The following CACNA2D1 variants were observed in gnomAD, a reference collection of about 807,000 sequenced individuals.
CACNA2D1 encodes the protein voltage-dependent calcium channel subunit alpha-2/delta-1.
A neutral mutation model predicts 171.5 loss-of-function variants in CACNA2D1; 53 were observed. The ratio of observed to expected loss-of-function variants is 0.31; its 90% CI spans 0.25 to 0.39. The LOEUF is 0.39. Among genes scored for constraint, CACNA2D1 ranks in the 10% least tolerant of loss-of-function variants. The probability of loss-of-function intolerance (pLI) is 1.00; values close to 1 mark genes in which losing one functional copy is unlikely to be tolerated. For synonymous variants in CACNA2D1, 442 were observed against 443.1 expected (o/e 1.00, Z 0.03); for missense variants, 903 against 1,299.8 (o/e 0.69, Z 4.69).
intron 1 of CACNA2D1, among the ~76,000 whole-genome samples, chr7:82,422,336 T>C (rs1224124125): frequency 6.6e-6 from 1 of 152,170 alleles, no homozygotes; most frequent in African/African-American, 2.4e-5. Flanking sequence ...ATAACCTCCA[T>C]GATGTTATTT....
intron 3 of CACNA2D1, among the ~76,000 whole-genome samples, chr7:82,237,384 A>G (rs1803723386): frequency 6.6e-6 from 1 of 151,920 alleles, no homozygotes; most frequent in South Asian, 2.1e-4. Context: ...TGTTATTGGC[A>G]AAACATACAG....
chr7:82,025,152 T>C (rs1392606325), intron 12 of CACNA2D1, among the ~76,000 whole-genome samples: 1 of 151,662 alleles, frequency 6.6e-6, no homozygotes, highest in Non-Finnish European at 1.5e-5. Flanking sequence ...TTATATGTAT[T>C]TTAGAATTTT....
At chr7:82,430,417 C>CAAAAAAAAAA (rs3054724) in intron 1 of CACNA2D1, among the ~76,000 whole-genome samples, 1 of 129,510 alleles carries the variant, frequency 7.7e-6, no homozygotes, top group South Asian at 2.6e-4. Flanking sequence ...GACTCCATCT[C>CAAAAAAAAAA]AAAAAAAAAA....
At chr7:82,166,861 G>C (rs1027683694) in intron 4 of CACNA2D1, among the ~76,000 whole-genome samples, 7 of 152,058 alleles carry the variant, frequency 4.6e-5, no homozygotes, top group Admixed American at 6.6e-5. Context: ...GTTGGGAATT[G>C]AATGGAGCTG....
At chr7:82,112,746 T>C (rs1392227994) in intron 6 of CACNA2D1, among the ~76,000 whole-genome samples, 1 of 152,214 alleles carries the variant, frequency 6.6e-6, no homozygotes, top group Non-Finnish European at 1.5e-5. Context: ...GTGGACCTTG[T>C]TGGAACAGAT....
At chr7:81,961,422 A>AGAAGTAAAAACAAAAC (rs1301383239) in intron 36 of CACNA2D1, among the ~76,000 whole-genome samples, 1 of 152,014 alleles carries the variant, frequency 6.6e-6, no homozygotes, top group African/African-American at 2.4e-5. Context: ...AGAGAAGACT[A>AGAAGTAAAAACAAAAC]GAAGTAAAAA....
chr7:82,097,889 A>C, intron 6 of CACNA2D1, among the ~76,000 whole-genome samples: 1 of 131,206 alleles, frequency 7.6e-6, no homozygotes, highest in East Asian at 2.3e-4. Context: ...CGAGGCAGGC[A>C]GATCACTTGA....
intron 4 of CACNA2D1, among the ~76,000 whole-genome samples, chr7:82,158,475 TA>T (rs10589102): frequency 0.5 from 74,759 of 150,854 alleles, 18,628 homozygotes; most frequent in East Asian, 0.65. Flanking sequence ...GAAACCAAGT[TA>T]AAAAAAAAAA....
chr7:82,302,508 G>A (rs78094754), intron 3 of CACNA2D1, among the ~76,000 whole-genome samples: 27,930 of 150,622 alleles, frequency 0.19, 4,178 homozygotes, highest in African/African-American at 0.41. Flanking sequence ...TCTGCCTCCC[G>A]GGTTCAGGGG....
rs115619608 is a variant in CACNA2D1 at position 82,015,295 on chromosome 7, C to T, written c.1144-816G>A. Among the ~76,000 whole-genome samples, 879 of 152,190 alleles carry T rather than the reference C, an allele frequency of 5.8e-3. 11 individuals carry two copies. The highest frequency in any genetic ancestry group is 0.02 in the African/African-American group (846 of 41,542). On this transcript the variant is annotated intron_variant, in intron 12 of 38. Coordinates refer to ENST00000356860, the MANE Select transcript of CACNA2D1 (RefSeq NM_000722.4). ...TTTCACCATGGAAATATTTGGGATG[C>T]ACACATATAATTATGTTGTTAGTAT... is the stretch of plus-strand genomic sequence containing the variant.
At chr7:81,996,900 A>G (rs1798101389) in intron 19 of CACNA2D1, among the ~76,000 whole-genome samples, 1 of 152,042 alleles carries the variant, frequency 6.6e-6, no homozygotes, top group South Asian at 2.1e-4. Context: ...GAAGTTTACA[A>G]GATACATTTG....
chr7:82,006,120 T>C (rs2130872972), intron 16 of CACNA2D1, among the ~76,000 whole-genome samples: 1 of 152,154 alleles, frequency 6.6e-6, no homozygotes, highest in South Asian at 2.1e-4. Context: ...TACCCTTTTC[T>C]TCTAATATTT....
chr7:82,119,505 A>T (rs929227183), intron 5 of CACNA2D1, among the ~76,000 whole-genome samples: 4 of 152,192 alleles, frequency 2.6e-5, no homozygotes, highest in Non-Finnish European at 4.4e-5. Flanking sequence ...TGACAGGTAC[A>T]AAAAGCTCTT....
At chr7:82,337,922 C>T (rs916283491) in intron 2 of CACNA2D1, among the ~76,000 whole-genome samples, 6 of 152,156 alleles carry the variant, frequency 3.9e-5, no homozygotes, top group Non-Finnish European at 7.3e-5. Context: ...TCTTAACCAA[C>T]TGGCTTTAAT....
chr7:82,229,794 T>C (rs1383528140), intron 3 of CACNA2D1, among the ~76,000 whole-genome samples: 2 of 152,076 alleles, frequency 1.3e-5, no homozygotes, highest in Admixed American at 1.3e-4. Context: ...CCTCCCAAAG[T>C]GCTGGGATTA....
chr7:82,143,766 C>G (rs564288298), intron 4 of CACNA2D1, among the ~76,000 whole-genome samples: 88 of 152,276 alleles, frequency 5.8e-4, no homozygotes, highest in Admixed American at 8.5e-4. Context: ...CCTATAAAAA[C>G]TTTCACCTTG....
intron 4 of CACNA2D1, among the ~76,000 whole-genome samples, chr7:82,163,924 T>C (rs1180800968): frequency 6.6e-6 from 1 of 151,952 alleles, no homozygotes; most frequent in African/African-American, 2.4e-5. Context: ...ATCAAGCATC[T>C]TGCAGTAATA....
chr7:82,440,268 A>G (rs968235022), intron 1 of CACNA2D1, among the ~76,000 whole-genome samples: 9 of 151,892 alleles, frequency 5.9e-5, no homozygotes, highest in Non-Finnish European at 8.9e-5. Context: ...AGTTATAACT[A>G]TATATTTTTT....
At chr7:82,434,951 G>A (rs898905967) in intron 1 of CACNA2D1, among the ~76,000 whole-genome samples, 2 of 148,940 alleles carry the variant, frequency 1.3e-5, no homozygotes, top group Non-Finnish European at 1.5e-5. Context: ...ATAAATATGA[G>A]TTAAATAAAT....
Sources: gnomAD v4.1 joint callset for allele counts (sites outside exome capture counted in the v4.1 genomes callset) on GRCh38, gnomAD v4.1.1 for gene constraint, MANE v1.5 for transcripts, NCBI Gene and HGNC (gene_info 2026-07-23, HGNC 2026-07-21) for gene names.